The following MAP3K2 variants were observed in gnomAD, a reference collection of about 807,000 sequenced individuals.
MAP3K2 encodes MAP/ERK kinase kinase 2.
Under a neutral mutation model 80.3 loss-of-function variants are expected in MAP3K2, and 24 were observed. That is an observed-to-expected ratio of 0.30 (90% CI 0.22 to 0.42). The LOEUF is 0.42. Among genes scored for constraint, MAP3K2 ranks in the 10% least tolerant of loss-of-function variants. The pLI is 1.00. For synonymous variants in MAP3K2, 244 were observed against 253.7 expected (o/e 0.96, Z 0.36); for missense variants, 608 against 750.1 (o/e 0.81, Z 2.21).
chr2:127,364,840 A>G lies in MAP3K2; in HGVS notation c.-65-21646T>C, dbSNP rs1295304948. Among the ~76,000 whole-genome samples, 1 of 152,068 alleles carries G rather than the reference A, an allele frequency of 6.6e-6. No individual in the cohort carries two copies. Among genetic ancestry groups the G allele is most frequent in the East Asian group, 1.9e-4 (1 of 5,186 alleles). On this transcript the variant is annotated intron_variant, in intron 1 of 16. Coordinates refer to ENST00000682094, the MANE Select transcript of MAP3K2 (RefSeq NM_001371910.2). This position sits in a 1 kb window ranked among gnomAD's most constrained non-coding sequence, Gnocchi z 4.1. ...ACTGCAATGACTACTAATAAAAGCT[A>G]CTATTGACCAGGCGCAGTGGCTCAC...
At chr2:127,369,481 A>G (rs1047785785) in intron 1 of MAP3K2, among the ~76,000 whole-genome samples, 1 of 148,172 alleles carries the variant, frequency 6.7e-6, no homozygotes, top group Non-Finnish European at 1.5e-5. Context: ...AAAAAAAAAA[A>G]AAAAAAAAAA....
At chr2:127,349,744 C>T (rs1686660522) in intron 1 of MAP3K2, among the ~76,000 whole-genome samples, 1 of 152,086 alleles carries the variant, frequency 6.6e-6, no homozygotes, top group South Asian at 2.1e-4. Flanking sequence ...TTTGAGGAAA[C>T]AACTAGCTGG....
intron 3 of MAP3K2, among the ~76,000 whole-genome samples, chr2:127,338,238 T>TA (rs1686409833): frequency 6.6e-6 from 1 of 152,190 alleles, no homozygotes. Flanking sequence ...GGAGAACAGT[T>TA]ACCACATTAA....
intron 1 of MAP3K2, among the ~76,000 whole-genome samples, chr2:127,348,109 G>A (rs1686630646): frequency 6.6e-6 from 1 of 152,078 alleles, no homozygotes; most frequent in Admixed American, 6.5e-5. Flanking sequence ...GACCATGTGT[G>A]GTGGCTTACA....
chr2:127,338,470 C>A (rs990760119), intron 3 of MAP3K2, among the ~76,000 whole-genome samples: 1 of 152,054 alleles, frequency 6.6e-6, no homozygotes, highest in Non-Finnish European at 1.5e-5. Context: ...TTTTCCTGAT[C>A]CTCTCCCTCC....
chr2:127,317,129 T>C (rs1479845162), intron 14 of MAP3K2: 2 of 150,048 alleles, frequency 1.3e-5, no homozygotes, highest in Non-Finnish European at 3.0e-5. Context: ...TTGTCAAATC[T>C]ATATCATGTA....
chr2:127,325,507 C>T (rs1199935741), intron 9 of MAP3K2, among the ~76,000 whole-genome samples: 1 of 152,046 alleles, frequency 6.6e-6, no homozygotes, highest in African/African-American at 2.4e-5. Flanking sequence ...AGTGAGACCC[C>T]CATCTCTACA....
At chr2:127,350,580 A>T (rs186253993) in intron 1 of MAP3K2, among the ~76,000 whole-genome samples, 1 of 152,192 alleles carries the variant, frequency 6.6e-6, no homozygotes, top group Non-Finnish European at 1.5e-5. Flanking sequence ...TGAATGTAAT[A>T]AAATTAGAAA....
intron 1 of MAP3K2, among the ~76,000 whole-genome samples, chr2:127,367,549 T>C (rs1009217769): frequency 6.6e-6 from 1 of 152,110 alleles, no homozygotes; most frequent in Non-Finnish European, 1.5e-5. Flanking sequence ...TCCCAGCACT[T>C]TGGGAGGCTG....
chr2:127,372,425 G>A (rs67771362), intron 1 of MAP3K2, among the ~76,000 whole-genome samples: 26,832 of 152,086 alleles, frequency 0.18, 2,881 homozygotes, highest in South Asian at 0.34. Context: ...GAATTTTACT[G>A]GCTTATTGGA....
chr2:127,372,638 C>T (rs533294219), intron 1 of MAP3K2, among the ~76,000 whole-genome samples: 12 of 152,222 alleles, frequency 7.9e-5, no homozygotes, highest in East Asian at 1.9e-4. Context: ...CCTTTGGGGA[C>T]GGGACCTATT....
intron 14 of MAP3K2, among the ~76,000 whole-genome samples, chr2:127,316,291 T>A (rs1248415192): frequency 1.3e-5 from 2 of 152,184 alleles, no homozygotes; most frequent in African/African-American, 4.8e-5. Flanking sequence ...GGAGAATTGC[T>A]TGAACCCAGG....
chr2:127,316,559 A>G (rs974045941), intron 14 of MAP3K2, among the ~76,000 whole-genome samples: 8 of 152,248 alleles, frequency 5.3e-5, no homozygotes, highest in African/African-American at 1.9e-4. Context: ...TAAAAACATT[A>G]GGTGGATGGC....
intron 1 of MAP3K2, among the ~76,000 whole-genome samples, chr2:127,379,105 A>G (rs562312537): frequency 2.0e-5 from 3 of 149,964 alleles, no homozygotes; most frequent in African/African-American, 7.4e-5. Context: ...TACAGGCATG[A>G]GCCATGGTGC....
At chr2:127,353,365 G>A (rs1438557680) in intron 1 of MAP3K2, among the ~76,000 whole-genome samples, 1 of 151,956 alleles carries the variant, frequency 6.6e-6, no homozygotes, top group Non-Finnish European at 1.5e-5. Flanking sequence ...CGTCTGCGAG[G>A]TGAGGAGCAT....
chr2:127,344,073 A>G (rs999086114), intron 1 of MAP3K2, among the ~76,000 whole-genome samples: 3 of 152,180 alleles, frequency 2.0e-5, no homozygotes, highest in African/African-American at 7.2e-5. Flanking sequence ...CTATGTTATT[A>G]TAAGATGTTA....
chr2:127,344,648 C>A (rs1303113066), intron 1 of MAP3K2, among the ~76,000 whole-genome samples: 3 of 152,076 alleles, frequency 2.0e-5, no homozygotes, highest in Non-Finnish European at 4.4e-5. Flanking sequence ...TGTGACAGAG[C>A]AAGACCCTGT....
chr2:127,372,057 G>A (rs912569905), intron 1 of MAP3K2, among the ~76,000 whole-genome samples: 3 of 152,116 alleles, frequency 2.0e-5, no homozygotes, highest in Non-Finnish European at 4.4e-5. Context: ...ATGAATTAGT[G>A]CTAAAAGAAG....
At chr2:127,368,855 C>T (rs1260503660) in intron 1 of MAP3K2, among the ~76,000 whole-genome samples, 1 of 152,014 alleles carries the variant, frequency 6.6e-6, no homozygotes, top group East Asian at 1.9e-4. Context: ...AAACAAACCT[C>T]CCGCCTCAGC....
Sources: gnomAD v4.1 joint callset for allele counts (sites outside exome capture counted in the v4.1 genomes callset) on GRCh38, gnomAD v4.1.1 for gene constraint, Gnocchi (gnomAD v3.1) non-coding constraint, MANE v1.5 for transcripts, NCBI Gene and HGNC (gene_info 2026-07-23, HGNC 2026-07-21) for gene names.